SENP7: variants seen among roughly 807,000 people sequenced by gnomAD.
The protein encoded by SENP7 is sentrin-specific protease 7.
In SENP7, 64 loss-of-function variants were observed where a neutral mutation model predicts 141.2. The ratio of observed to expected loss-of-function variants is 0.45; its 90% confidence interval spans 0.37 to 0.56. SENP7 has a LOEUF of 0.56. Among genes scored for constraint, SENP7 ranks in the 20% least tolerant of loss-of-function variants. The pLI is 0.00. For missense variants in SENP7, 1,025 were observed against 1,212.2 expected (o/e 0.85, Z 2.29); for synonymous variants, 382 against 426.4 (o/e 0.90, Z 1.28).
At chr3:101,348,467 C>T (rs1474799078) in intron 12 of SENP7, among the ~76,000 whole-genome samples, 1 of 152,126 alleles carries the variant, frequency 6.6e-6, no homozygotes, top group Non-Finnish European at 1.5e-5. Context: ...AAACTAAGCA[C>T]AGTATAACTC....
chr3:101,463,382 T>TATATATAC (rs1553744750), intron 3 of SENP7, among the ~76,000 whole-genome samples: 40 of 89,928 alleles, frequency 4.4e-4, no homozygotes, highest in African/African-American at 2.0e-3. Flanking sequence ...TATATATATA[T>TATATATAC]ATATATATAT....
chr3:101,341,642 A>C lies in SENP7; in HGVS notation c.2240+4T>G, dbSNP rs1314441883. On this transcript the variant is annotated splice_donor_region_variant and intron_variant, in intron 15 of 23. Coordinates refer to ENST00000394095, the MANE Select transcript of SENP7 (RefSeq NM_020654.5). Reference sequence around the variant, plus strand: ...TACTACAAACATGCTATGACAGTACATACTTCTGAACAAGTCCAGTGTGCC... The same window carrying C: ...TACTACAAACATGCTATGACAGTACCTACTTCTGAACAAGTCCAGTGTGCC... 1.9e-6 allele frequency: 3 copies of C among 1,585,104 alleles called. No individual in the cohort carries two copies. In the Admixed American group the frequency reaches 5.0e-5, roughly 27 times the overall value.
chr3:101,498,393 CT>C (rs375855898), intron 2 of SENP7, among the ~76,000 whole-genome samples: 182 of 152,248 alleles, frequency 1.2e-3, no homozygotes, highest in African/African-American at 4.2e-3. Context: ...CATGTACCCC[CT>C]GATATAATGC....
intron 6 of SENP7, among the ~76,000 whole-genome samples, chr3:101,382,900 C>T (rs1346207331): frequency 2.0e-5 from 3 of 152,098 alleles, no homozygotes; most frequent in African/African-American, 7.2e-5. Flanking sequence ...GTATAGCAAA[C>T]TTGAAAAACA....
chr3:101,333,938 G>C (rs2059119972), intron 17 of SENP7, among the ~76,000 whole-genome samples: 1 of 152,176 alleles, frequency 6.6e-6, no homozygotes, highest in African/African-American at 2.4e-5. Context: ...GTTTCAAGAT[G>C]AAACTGTTCC....
chr3:101,440,580 T>TAAA (rs2062627284), intron 4 of SENP7, among the ~76,000 whole-genome samples: 1 of 105,936 alleles, frequency 9.4e-6, no homozygotes, highest in African/African-American at 5.1e-5. Context: ...AAAAAATAAA[T>TAAA]TAAAAAAAAA....
intron 4 of SENP7, 82 bp from the exon 5 acceptor site, chr3:101,417,872 A>C: frequency 9.0e-7 from 1 of 1,104,990 alleles, no homozygotes; most frequent in Non-Finnish European, 1.3e-6. Flanking sequence ...ATATCTCCAG[A>C]AACTGTAAAC....
intron 6 of SENP7, among the ~76,000 whole-genome samples, chr3:101,374,418 C>G (rs1048147157): frequency 6.6e-6 from 1 of 152,046 alleles, no homozygotes; most frequent in Admixed American, 6.5e-5. Flanking sequence ...GATATAACAA[C>G]AAAAACACAG....
chr3:101,468,774 C>T (rs1378636821), intron 3 of SENP7, among the ~76,000 whole-genome samples: 1 of 152,126 alleles, frequency 6.6e-6, no homozygotes, highest in Non-Finnish European at 1.5e-5. Context: ...GTAAACACCA[C>T]CAGTGCTATG....
intron 4 of SENP7, among the ~76,000 whole-genome samples, chr3:101,426,687 G>C (rs2107692946): frequency 6.6e-6 from 1 of 151,938 alleles, no homozygotes; most frequent in South Asian, 2.1e-4. Context: ...TCATCATGTT[G>C]GCCAGCCTGA....
At chr3:101,445,447 T>C (rs992450909) in intron 4 of SENP7, among the ~76,000 whole-genome samples, 6 of 151,834 alleles carry the variant, frequency 4.0e-5, no homozygotes, top group African/African-American at 1.2e-4. Flanking sequence ...ATTATCACTA[T>C]AGAAAGCCAC....
chr3:101,477,952 C>T (rs957152041), intron 3 of SENP7, among the ~76,000 whole-genome samples: 5 of 151,348 alleles, frequency 3.3e-5, no homozygotes, highest in African/African-American at 7.3e-5. Flanking sequence ...TGAAAAAAAG[C>T]GTTGTTTTTT....
At chr3:101,509,641 A>G (rs2065768458) in intron 1 of SENP7, among the ~76,000 whole-genome samples, 1 of 152,240 alleles carries the variant, frequency 6.6e-6, no homozygotes, top group Non-Finnish European at 1.5e-5. Flanking sequence ...CAGCTTTATC[A>G]TAACTAATCG....
intron 6 of SENP7, among the ~76,000 whole-genome samples, chr3:101,392,357 T>C (rs1201865140): frequency 6.6e-6 from 1 of 152,116 alleles, no homozygotes; most frequent in Non-Finnish European, 1.5e-5. Flanking sequence ...TTCATTAAAA[T>C]TGCAGGACAC....
At chr3:101,495,487 C>T (rs1263402465) in intron 2 of SENP7, among the ~76,000 whole-genome samples, 1 of 152,148 alleles carries the variant, frequency 6.6e-6, no homozygotes, top group Non-Finnish European at 1.5e-5. Context: ...ATAGCAAAGA[C>T]ATGGAATCAA....
At chr3:101,335,167 C>T (rs1391626102) in intron 17 of SENP7, among the ~76,000 whole-genome samples, 2 of 151,956 alleles carry the variant, frequency 1.3e-5, no homozygotes, top group South Asian at 2.1e-4. Flanking sequence ...AATAGGAAAG[C>T]GGTCAGCATA....
intron 1 of SENP7, among the ~76,000 whole-genome samples, chr3:101,502,061 G>C (rs897018474): frequency 6.6e-6 from 1 of 152,160 alleles, no homozygotes; most frequent in Non-Finnish European, 1.5e-5. Context: ...CACGACCTTT[G>C]GGTAGGCAAA....
chr3:101,456,231 C>CA (rs2063348031), intron 4 of SENP7, among the ~76,000 whole-genome samples: 1 of 151,938 alleles, frequency 6.6e-6, no homozygotes, highest in African/African-American at 2.4e-5. Flanking sequence ...AAAAATCTGT[C>CA]AAAAATCACA....
intron 3 of SENP7, among the ~76,000 whole-genome samples, chr3:101,476,692 G>T (rs2064232183): frequency 6.6e-6 from 1 of 152,204 alleles, no homozygotes; most frequent in East Asian, 1.9e-4. Context: ...TTCCACAAGG[G>T]TTAAACTAAC....
Sources: gnomAD v4.1 joint callset for allele counts (sites outside exome capture counted in the v4.1 genomes callset) on GRCh38, gnomAD v4.1.1 for gene constraint, MANE v1.5 for transcripts, NCBI Gene and HGNC (gene_info 2026-07-23, HGNC 2026-07-21) for gene names.